The following BMPER variants were observed in gnomAD, a reference collection of about 807,000 sequenced individuals.
BMPER encodes BMP binding endothelial regulator, also known as BMP-binding endothelial regulator protein.
A neutral mutation model predicts 87.3 loss-of-function variants in BMPER; 45 were observed. The ratio of observed to expected loss-of-function variants is 0.52; its 90% CI spans 0.41 to 0.66. The LOEUF is 0.66. BMPER is among the 30% of genes least tolerant of loss of function. The pLI, the probability that BMPER is intolerant of heterozygous loss-of-function variation, is 0.00. For missense variants in BMPER, 784 were observed against 867.5 expected, an observed-to-expected ratio of 0.90 and a Z score of 1.21; for synonymous variants, 326 against 316.2, an observed-to-expected ratio of 1.03 and a Z score of -0.33.
intron 14 of BMPER, among the ~76,000 whole-genome samples, chr7:34,152,846 A>G (rs1736686759): frequency 2.0e-5 from 3 of 152,198 alleles, no homozygotes; most frequent in African/African-American, 4.8e-5. Flanking sequence ...TTTATAGTTT[A>G]TCTTATCTAA....
chr7:33,938,475 A>G (rs778155699), intron 3 of BMPER, among the ~76,000 whole-genome samples: 2 of 152,192 alleles, frequency 1.3e-5, no homozygotes, highest in Non-Finnish European at 2.9e-5. Flanking sequence ...AAAGAGTGGC[A>G]GAAGCTGGAG....
chr7:34,014,410 G>A (rs1786966627), intron 6 of BMPER, among the ~76,000 whole-genome samples: 1 of 151,966 alleles, frequency 6.6e-6, no homozygotes, highest in Admixed American at 6.6e-5. Flanking sequence ...AAAGAGAGGA[G>A]AGATATCCTT....
Position 34,051,988 on chromosome 7 carries a change from G to C in BMPER, c.786+18G>C. The C allele has an allele frequency of 6.3e-7, 1 of 1,591,158 alleles. No individual in the cohort carries two copies. The highest frequency in any genetic ancestry group is 8.6e-7 in the Non-Finnish European group (1 of 1,159,154). Reference sequence around the variant, plus strand: ...CCTGCAGGGTAAGGCAGCTCTGAGAGGCTGTGGTCCAGCAATGATAGGGTT... The same window carrying C: ...CCTGCAGGGTAAGGCAGCTCTGAGACGCTGTGGTCCAGCAATGATAGGGTT... On this transcript the variant is annotated intron_variant, in intron 8 of 14. Transcript: ENST00000649409.
chr7:34,094,973 C>T (rs957622456), intron 13 of BMPER, among the ~76,000 whole-genome samples: 2 of 152,120 alleles, frequency 1.3e-5, no homozygotes, highest in South Asian at 2.1e-4. Flanking sequence ...TAGACTCGTT[C>T]GGAATAACTT....
intron 6 of BMPER, among the ~76,000 whole-genome samples, chr7:34,013,999 G>A (rs73112309): frequency 3.4e-4 from 51 of 151,950 alleles, no homozygotes; most frequent in South Asian, 8.3e-4. Context: ...ATAGTTTTGT[G>A]GGATTCTTTC....
chr7:33,915,049 C>T lies in BMPER; in HGVS notation c.219+8146C>T, dbSNP rs73110344. On this transcript the variant is annotated intron_variant, in intron 2 of 14. Coordinates refer to ENST00000649409, the MANE Select transcript of BMPER (RefSeq NM_001365308.1). Reference sequence around the variant, plus strand: ...AGTGGATCCCCAGTTGGCAGGAATCCAAAACTAAGATTGCTGTAGGGATTT... The same window carrying T: ...AGTGGATCCCCAGTTGGCAGGAATCTAAAACTAAGATTGCTGTAGGGATTT... 9.8e-3 allele frequency among the ~76,000 whole-genome samples: 1,495 copies of T among 152,174 alleles called. 14 individuals carry two copies. Among genetic ancestry groups the T allele is most frequent in the Non-Finnish European group, 0.017 (1,131 of 68,004 alleles).
At chr7:33,982,690 G>C (rs963632446) in intron 6 of BMPER, among the ~76,000 whole-genome samples, 35 of 152,042 alleles carry the variant, frequency 2.3e-4, no homozygotes, top group African/African-American at 8.5e-4. Flanking sequence ...GGCTTCTAGC[G>C]GAAGGTCTAT....
At chr7:34,118,994 ACTGT>A (rs1458885717) in intron 13 of BMPER, among the ~76,000 whole-genome samples, 1 of 89,068 alleles carries the variant, frequency 1.1e-5, no homozygotes, top group Non-Finnish European at 2.3e-5. Flanking sequence ...TCTCTCTCTC[ACTGT>A]CTCTCTCTCT....
At chr7:33,921,467 C>T (rs535450093) in intron 2 of BMPER, among the ~76,000 whole-genome samples, 2 of 152,194 alleles carry the variant, frequency 1.3e-5, no homozygotes, top group Non-Finnish European at 2.9e-5. Context: ...CAATCCCAGG[C>T]AGAGTCCACA....
intron 6 of BMPER, among the ~76,000 whole-genome samples, chr7:34,028,082 A>G (rs1787404630): frequency 6.6e-6 from 1 of 152,080 alleles, no homozygotes; most frequent in Non-Finnish European, 1.5e-5. Flanking sequence ...AGTACCCACA[A>G]TTATACAAAA....
chr7:34,054,585 G>T (rs922511034), intron 8 of BMPER, among the ~76,000 whole-genome samples: 1 of 152,112 alleles, frequency 6.6e-6, no homozygotes, highest in Non-Finnish European at 1.5e-5. Flanking sequence ...TAAGTGGCCT[G>T]GTCAAAGTCA....
chr7:33,941,569 C>A (rs1784766459), intron 3 of BMPER, among the ~76,000 whole-genome samples: 1 of 152,042 alleles, frequency 6.6e-6, no homozygotes, highest in South Asian at 2.1e-4. Context: ...TGATGGGAGA[C>A]AGTGACAGAT....
chr7:34,057,933 T>C (rs1788327268), intron 9 of BMPER, 126 bp from the exon 10 acceptor site: 1 of 762,198 alleles, frequency 1.3e-6, no homozygotes, highest in Admixed American at 2.0e-5. Flanking sequence ...CCTGAGTCAT[T>C]TAGTCTAATG....
chr7:33,974,625 A>G (rs1175523138), intron 5 of BMPER, 77 bp from the exon 6 acceptor site: 2 of 1,416,880 alleles, frequency 1.4e-6, no homozygotes, highest in African/African-American at 1.4e-5. Flanking sequence ...CAACGGATGA[A>G]CTGTGGATAG....
At chr7:34,044,605 A>G (rs970514777) in intron 6 of BMPER, among the ~76,000 whole-genome samples, 3 of 152,192 alleles carry the variant, frequency 2.0e-5, no homozygotes, top group Non-Finnish European at 2.9e-5. Context: ...AAAGGCCTCT[A>G]ACTTTAATAT....
At chr7:34,116,714 G>T (rs185111789) in intron 13 of BMPER, among the ~76,000 whole-genome samples, 124 of 152,312 alleles carry the variant, frequency 8.1e-4, no homozygotes, top group African/African-American at 2.7e-3. Flanking sequence ...TCCTGGCTGG[G>T]CGCTGTGGCT....
At chr7:34,122,828 G>T (rs1790296027) in intron 13 of BMPER, among the ~76,000 whole-genome samples, 2 of 152,136 alleles carry the variant, frequency 1.3e-5, no homozygotes, top group East Asian at 1.9e-4. Flanking sequence ...TTCATCCAAG[G>T]TCTGAAATAA....
At chr7:34,011,583 C>CAAAAAAAAAAAAAAAAAAAAAAAAAAAAA (rs36022297) in intron 6 of BMPER, among the ~76,000 whole-genome samples, 87 of 45,710 alleles carry the variant, frequency 1.9e-3, no homozygotes, top group Non-Finnish European at 2.4e-3. Context: ...TTGGTCAGGG[C>CAAAAAAAAAAAAAAAAAAAAAAAAAAAAA]AAAAAAAAAA....
intron 11 of BMPER, among the ~76,000 whole-genome samples, chr7:34,075,010 A>T (rs937380869): frequency 6.0e-5 from 9 of 148,806 alleles, no homozygotes; most frequent in African/African-American, 9.9e-5. Context: ...AGTTTCTCTT[A>T]TTTTTTTTTT....
Sources: allele counts gnomAD v4.1 joint callset (sites outside exome capture counted in the v4.1 genomes callset), GRCh38; gene constraint gnomAD v4.1.1; transcripts MANE v1.5; gene names NCBI Gene and HGNC (gene_info 2026-07-23, HGNC 2026-07-21).